Variants in IFT88 observed in about 807,000 individuals in gnomAD.
IFT88 encodes the protein intraflagellar transport protein 88 homolog.
A neutral mutation model predicts 119.5 loss-of-function variants in IFT88; 74 were observed. The ratio of observed to expected loss-of-function variants is 0.62; its 90% confidence interval spans 0.51 to 0.75. The LOEUF is 0.75. Ranked by LOEUF, IFT88 falls within the 30% of genes least tolerant of loss-of-function variation. IFT88 has a pLI of 0.00. For missense variants in IFT88, 961 were observed against 977.7 expected (o/e 0.98, Z 0.23); for synonymous variants, 279 against 316.7 (o/e 0.88, Z 1.26).
chr13:20,673,944 T>G (rs1306770894), intron 24 of IFT88, among the ~76,000 whole-genome samples: 1 of 152,194 alleles, frequency 6.6e-6, no homozygotes, highest in Admixed American at 6.5e-5. Context: ...CACTCATCAG[T>G]CCCTTCCTAG....
At chr13:20,597,212 C>T in intron 9 of IFT88, 93 bp downstream of exon 9, 2 of 606,680 alleles carry the variant, frequency 3.3e-6, no homozygotes, top group Non-Finnish European at 5.6e-6. Flanking sequence ...TAAAATCTTA[C>T]TGGTCTTCAG....
chr13:20,589,085 T>G (rs2040222904), intron 3 of IFT88, among the ~76,000 whole-genome samples: 1 of 152,170 alleles, frequency 6.6e-6, no homozygotes, highest in African/African-American at 2.4e-5. Flanking sequence ...AGCCTTCCCA[T>G]CTCTTCGTTA....
chr13:20,580,225 A>G (rs905325308), intron 2 of IFT88, among the ~76,000 whole-genome samples: 10 of 152,194 alleles, frequency 6.6e-5, no homozygotes, highest in African/African-American at 2.4e-4. Context: ...GGTGATTAGA[A>G]GTATTTTCTC....
chr13:20,669,830 T>TA (rs1413130559), intron 23 of IFT88, among the ~76,000 whole-genome samples: 1 of 152,198 alleles, frequency 6.6e-6, no homozygotes, highest in Non-Finnish European at 1.5e-5. Context: ...TTTAAATTCT[T>TA]ACTTTGCTAC....
At chr13:20,632,355 A>G (rs1376524002) in intron 16 of IFT88, among the ~76,000 whole-genome samples, 1 of 152,174 alleles carries the variant, frequency 6.6e-6, no homozygotes, top group Admixed American at 6.6e-5. Context: ...ATAACTGTTC[A>G]TGCTGAGGTT....
At chr13:20,577,012 C>A (rs1412463776) in intron 2 of IFT88, among the ~76,000 whole-genome samples, 1 of 152,072 alleles carries the variant, frequency 6.6e-6, no homozygotes, top group Admixed American at 6.6e-5. Flanking sequence ...AACATCTTTC[C>A]ATTTTCTTAT....
intron 23 of IFT88, among the ~76,000 whole-genome samples, chr13:20,666,074 T>C (rs1297200433): frequency 6.6e-6 from 1 of 152,234 alleles, no homozygotes; most frequent in African/African-American, 2.4e-5. Context: ...CTGCTCCTTG[T>C]TCCATAGAAC....
At chr13:20,628,859 G>A (rs762401655) in intron 15 of IFT88, among the ~76,000 whole-genome samples, 1 of 152,078 alleles carries the variant, frequency 6.6e-6, no homozygotes, top group Non-Finnish European at 1.5e-5. Context: ...AAATAGATTT[G>A]ATGTTAAATA....
chr13:20,579,949 C>T (rs1411426826), intron 2 of IFT88, among the ~76,000 whole-genome samples: 6 of 152,166 alleles, frequency 3.9e-5, no homozygotes, highest in Admixed American at 3.3e-4. Flanking sequence ...CCTCATTCTC[C>T]CAATTATAAA....
intron 23 of IFT88, among the ~76,000 whole-genome samples, chr13:20,664,437 T>C (rs2054312424): frequency 6.6e-6 from 1 of 152,176 alleles, no homozygotes; most frequent in Admixed American, 6.5e-5. Context: ...CAAGAAGCAA[T>C]TGTGGCACTG....
At chr13:20,630,569 T>C (rs998072446) in intron 15 of IFT88, among the ~76,000 whole-genome samples, 3 of 152,132 alleles carry the variant, frequency 2.0e-5, no homozygotes, top group Non-Finnish European at 4.4e-5. Context: ...ATTATCATCA[T>C]ATTTTTATTT....
intron 22 of IFT88, among the ~76,000 whole-genome samples, chr13:20,662,215 C>T (rs1471248656): frequency 1.3e-5 from 2 of 152,006 alleles, no homozygotes; most frequent in Non-Finnish European, 2.9e-5. Context: ...CAAACTCTAA[C>T]AGACCTGCAG....
rs1261099178 is a variant in IFT88 at position 20,691,083 on chromosome 13, C to G, written c.2383C>G (p.Gln795Glu). The G allele has an allele frequency of 2.5e-6, 4 of 1,613,968 alleles. No individual in the cohort carries two copies. Among genetic ancestry groups the G allele is most frequent in the Non-Finnish European group, 3.4e-6 (4 of 1,179,952 alleles). Residue 795 changes from glutamine (Q) to glutamate (E), a missense_variant, in exon 26 of 26, where the codon CAA becomes GAA. Physicochemically the swap from Gln to Glu is conservative, Grantham distance 29. Transcript: ENST00000351808. ...CTCCTATGTGGACCCACTTGGCCCT[C>G]AAATAGAACGACCAAAAACTGCAGC... is the stretch of plus-strand genomic sequence containing the variant. ...DASYVDPLGP[Q>E]IERPKTAAKK...
At chr13:20,634,058 G>A (rs2048635238) in intron 16 of IFT88, among the ~76,000 whole-genome samples, 1 of 152,138 alleles carries the variant, frequency 6.6e-6, no homozygotes, top group African/African-American at 2.4e-5. Flanking sequence ...TAGCTGAACT[G>A]TTGTCCAGGG....
At chr13:20,602,704 G>A (rs1359760960) in intron 12 of IFT88, among the ~76,000 whole-genome samples, 2 of 152,082 alleles carry the variant, frequency 1.3e-5, no homozygotes, top group East Asian at 1.9e-4. Context: ...CCAACAGGGC[G>A]AAATGCTGTC....
At chr13:20,640,700 A>G (rs185693220) in intron 17 of IFT88, among the ~76,000 whole-genome samples, 40 of 152,322 alleles carry the variant, frequency 2.6e-4, no homozygotes, top group Non-Finnish European at 5.6e-4. Context: ...ACTAAACTCT[A>G]TAGTTGAGTG....
intron 24 of IFT88, among the ~76,000 whole-genome samples, chr13:20,689,319 T>G (rs1411729002): frequency 6.6e-6 from 1 of 152,228 alleles, no homozygotes; most frequent in African/African-American, 2.4e-5. Flanking sequence ...AGAAGGGTTT[T>G]GGGTGCCTGA....
intron 2 of IFT88, among the ~76,000 whole-genome samples, chr13:20,580,296 T>C (rs775466046): frequency 6.6e-6 from 1 of 152,148 alleles, no homozygotes; most frequent in Non-Finnish European, 1.5e-5. Context: ...GGTGGGCAGA[T>C]CATCTGAGGT....
chr13:20,664,340 G>A (rs1283242243), intron 23 of IFT88, among the ~76,000 whole-genome samples: 1 of 152,174 alleles, frequency 6.6e-6, no homozygotes, highest in African/African-American at 2.4e-5. Flanking sequence ...AAGGAAGACT[G>A]TTCTCTTTTT....
Sources: gnomAD v4.1 joint callset for allele counts (sites outside exome capture counted in the v4.1 genomes callset) on GRCh38, gnomAD v4.1.1 for gene constraint, MANE v1.5 for transcripts, NCBI Gene and HGNC (gene_info 2026-07-23, HGNC 2026-07-21) for gene names.